The following PCLO variants were observed in gnomAD, a reference collection of about 807,000 sequenced individuals.
The protein encoded by PCLO is protein piccolo.
In PCLO, 82 loss-of-function variants were observed where a neutral mutation model predicts 427.5. That is an observed-to-expected ratio of 0.19 (90% CI 0.16 to 0.23). The LOEUF is 0.23. Ranked by LOEUF, PCLO falls within the 10% of genes least tolerant of loss-of-function variation. The pLI is 1.00. For synonymous variants in PCLO, 2,357 were observed against 2,155.4 expected (o/e 1.09, Z -2.59); for missense variants, 6,239 against 6,115.9 (o/e 1.02, Z -0.67).
At chr7:82,886,987 T>A (rs2116090531) in intron 9 of PCLO, among the ~76,000 whole-genome samples, 1 of 152,338 alleles carries the variant, frequency 6.6e-6, no homozygotes, top group Admixed American at 6.5e-5. Context: ...AATATTATTT[T>A]ATGTTTAGTG....
intron 22 of PCLO, among the ~76,000 whole-genome samples, chr7:82,764,996 C>T (rs1310876684): frequency 1.3e-5 from 2 of 151,766 alleles, no homozygotes; most frequent in African/African-American, 4.8e-5. Context: ...ATCTATGGAA[C>T]ATATTCAAAA....
At chr7:83,021,829 G>A (rs1456301606) in intron 3 of PCLO, among the ~76,000 whole-genome samples, 1 of 152,096 alleles carries the variant, frequency 6.6e-6, no homozygotes, top group East Asian at 1.9e-4. Context: ...CACAAGATAA[G>A]AAAGAGGCAA....
At position 82,882,208 on chromosome 7, in the gene PCLO, A is replaced by G. The variant is rs928536739; in HGVS notation, c.13529-2746T>C. ...TCAAATATAGATAAAATGAATAAAA[A>G]TATTTCTATAAAAATCTAACACCAC... On this transcript the variant is annotated intron_variant, in intron 9 of 24. Transcript: ENST00000333891. Among the ~76,000 whole-genome samples, 5 of 152,294 alleles carry G rather than the reference A, an allele frequency of 3.3e-5. No homozygotes were observed. The South Asian group carries it at 8.3e-4, about 25-fold the overall frequency.
intron 3 of PCLO, among the ~76,000 whole-genome samples, chr7:83,098,218 G>A (rs1057088882): frequency 1.3e-5 from 2 of 152,046 alleles, no homozygotes; most frequent in African/African-American, 4.8e-5. Context: ...CTATAATTAA[G>A]ATACTCAGAA....
chr7:82,954,420 G>T lies in PCLO; in HGVS notation c.6533C>A (p.Pro2178His), dbSNP rs764859401. Residue 2178 changes from proline to histidine, a missense_variant, in exon 5 of 25, where the codon CCC (proline) becomes CAC (histidine). Pro to His is a moderately conservative substitution (Grantham distance 77). This residue lies in a region of PCLO where 4,677 missense variants were observed against 4,468.4 expected (regional missense o/e 1.05). Coordinates refer to ENST00000333891, the MANE Select transcript of PCLO (RefSeq NM_033026.6). ...EPSESATSVP[P>H]SDTPSLTSSV... ...TGATGTGAGAGAAGGTGTGTCAGAG[G>T]GTGGGACAGATGTAGCACTTTCTGA... 3.7e-6 allele frequency: 6 copies of T among 1,613,814 alleles called. No individual in the cohort carries two copies. In the Middle Eastern group the frequency reaches 6.6e-4, roughly 177 times the overall value.
chr7:82,852,134 T>G (rs1007503559), intron 10 of PCLO, among the ~76,000 whole-genome samples: 1 of 152,086 alleles, frequency 6.6e-6, no homozygotes, highest in Non-Finnish European at 1.5e-5. Flanking sequence ...CCTGCTTATT[T>G]ACAGAACAAG....
intron 20 of PCLO, among the ~76,000 whole-genome samples, chr7:82,820,129 C>A (rs1791758929): frequency 6.6e-6 from 1 of 152,086 alleles, no homozygotes; most frequent in African/African-American, 2.4e-5. Flanking sequence ...TTCTGCAAAG[C>A]AAGAGCTCAT....
intron 22 of PCLO, among the ~76,000 whole-genome samples, chr7:82,788,733 A>T (rs1791037459): frequency 6.6e-6 from 1 of 152,084 alleles, no homozygotes; most frequent in South Asian, 2.1e-4. Context: ...CTCCACACAC[A>T]CACTCACATA....
chr7:82,996,817 T>C (rs1303258315), intron 3 of PCLO, among the ~76,000 whole-genome samples: 4 of 151,976 alleles, frequency 2.6e-5, no homozygotes, highest in East Asian at 1.9e-4. Context: ...GAAGGACACA[T>C]GTGTGGCCAT....
chr7:82,992,877 G>T (rs996761082), intron 3 of PCLO, among the ~76,000 whole-genome samples: 14 of 152,014 alleles, frequency 9.2e-5, no homozygotes, highest in South Asian at 2.1e-4. Context: ...AATTTCAGAT[G>T]TTTTCTGAAA....
intron 3 of PCLO, among the ~76,000 whole-genome samples, chr7:83,096,481 C>A (rs1310924401): frequency 1.3e-5 from 2 of 151,730 alleles, no homozygotes; most frequent in Non-Finnish European, 2.9e-5. Flanking sequence ...CTAAATACCT[C>A]AAAGGATTGT....
intron 8 of PCLO, among the ~76,000 whole-genome samples, chr7:82,908,288 T>G (rs1006441463): frequency 6.6e-6 from 1 of 152,084 alleles, no homozygotes; most frequent in Non-Finnish European, 1.5e-5. Flanking sequence ...AATTCTGAAA[T>G]TTACCTCTAA....
intron 9 of PCLO, among the ~76,000 whole-genome samples, chr7:82,892,963 T>C (rs932365117): frequency 6.6e-6 from 1 of 152,168 alleles, no homozygotes; most frequent in Non-Finnish European, 1.5e-5. Flanking sequence ...GGAACACTTT[T>C]ACACTGTTGG....
At chr7:82,925,160 T>A (rs1339451555) in intron 6 of PCLO, among the ~76,000 whole-genome samples, 1 of 152,198 alleles carries the variant, frequency 6.6e-6, no homozygotes, top group Non-Finnish European at 1.5e-5. Context: ...GCTCTGCTCC[T>A]GGCCATTCAT....
At chr7:82,812,135 A>C (rs1286933636) in intron 20 of PCLO, among the ~76,000 whole-genome samples, 1 of 151,432 alleles carries the variant, frequency 6.6e-6, no homozygotes, top group African/African-American at 2.4e-5. Flanking sequence ...TCGTATATTC[A>C]CAGTTTTCTC....
intron 6 of PCLO, among the ~76,000 whole-genome samples, chr7:82,934,497 A>G (rs1794907313): frequency 6.6e-6 from 1 of 151,842 alleles, no homozygotes. Context: ...GTTTATTTTA[A>G]CTTATCTTAA....
intron 3 of PCLO, among the ~76,000 whole-genome samples, chr7:82,966,967 T>G (rs979606776): frequency 2.6e-5 from 4 of 152,102 alleles, no homozygotes; most frequent in Non-Finnish European, 5.9e-5. Context: ...TCTCTTGACT[T>G]GGGCCAAATA....
chr7:83,118,995 C>T lies in PCLO; in HGVS notation c.3300+15255G>A, dbSNP rs571419695. Among the ~76,000 whole-genome samples the T allele has an allele frequency of 2.4e-4, 36 of 152,230 alleles. No homozygotes were observed. In the South Asian group the frequency reaches 4.8e-3, roughly 20 times the overall value. ...AAATATAAAAAAAAATTTTATCTTGCAACTTGTGTACCAGCTCAGCCACAG... is the reference window on the plus strand; with the variant it reads ...AAATATAAAAAAAAATTTTATCTTGTAACTTGTGTACCAGCTCAGCCACAG... On this transcript the variant is annotated intron_variant, in intron 3 of 24. Coordinates refer to ENST00000333891, the MANE Select transcript of PCLO (RefSeq NM_033026.6).
intron 7 of PCLO, among the ~76,000 whole-genome samples, chr7:82,911,906 C>T (rs1292585143): frequency 6.6e-6 from 1 of 152,094 alleles, no homozygotes; most frequent in African/African-American, 2.4e-5. Context: ...CAGGCGTGAG[C>T]CACCACGTCT....
Sources: allele counts gnomAD v4.1 joint callset (sites outside exome capture counted in the v4.1 genomes callset), GRCh38; gene constraint gnomAD v4.1.1; regional missense constraint gnomAD v4.1.1; transcripts MANE v1.5; gene names NCBI Gene and HGNC (gene_info 2026-07-23, HGNC 2026-07-21).